The following PPP4R4 variants were observed in gnomAD, a reference collection of about 807,000 sequenced individuals.
PPP4R4 encodes protein phosphatase 4 regulatory subunit 4, also known as serine/threonine-protein phosphatase 4 regulatory subunit 4.
Under a neutral mutation model 121.8 loss-of-function variants are expected in PPP4R4, and 70 were observed. The ratio of observed to expected loss-of-function variants is 0.57; its 90% CI spans 0.47 to 0.70. The LOEUF is 0.70. Among genes scored for constraint, PPP4R4 ranks in the 30% least tolerant of loss-of-function variants. PPP4R4 has a pLI of 0.00. For missense variants in PPP4R4, 875 were observed against 1,033.6 expected (o/e 0.85, Z 2.10); for synonymous variants, 348 against 355.7 (o/e 0.98, Z 0.24).
chr14:94,266,800 G>T (rs1181260577), intron 22 of PPP4R4, among the ~76,000 whole-genome samples, 159 bp from the exon 23 acceptor site: 1 of 152,146 alleles, frequency 6.6e-6, no homozygotes, highest in African/African-American at 2.4e-5. Context: ...AGTAAGTGTT[G>T]TGAGGCATGA....
chr14:94,278,806 A>G lies in PPP4R4; in HGVS notation c.*163A>G. 1 of 510,958 alleles carries G rather than the reference A, an allele frequency of 2.0e-6. No individual in the cohort carries two copies. The highest frequency in any genetic ancestry group is 3.2e-6 in the Non-Finnish European group (1 of 313,448). The allele number at this position is 510,958 out of a possible 1,614,324, so 31.7% of individuals were successfully genotyped here. On this transcript the variant is annotated 3_prime_UTR_variant, in exon 25 of 25. Coordinates refer to ENST00000304338, the MANE Select transcript of PPP4R4 (RefSeq NM_058237.2). ...GAGACATAATGACAGCTGATGTTAAACTTTTCATATTTCAAATTAGATTCC... is the reference window on the plus strand; with the variant it reads ...GAGACATAATGACAGCTGATGTTAAGCTTTTCATATTTCAAATTAGATTCC...
intron 2 of PPP4R4, among the ~76,000 whole-genome samples, chr14:94,198,829 G>A (rs1274954248): frequency 1.3e-5 from 2 of 152,104 alleles, no homozygotes; most frequent in African/African-American, 4.8e-5. Context: ...ACTCAATTGC[G>A]CATTTATGTT....
chr14:94,202,248 G>A (rs978139061), intron 2 of PPP4R4, among the ~76,000 whole-genome samples: 11 of 152,010 alleles, frequency 7.2e-5, no homozygotes, highest in African/African-American at 1.7e-4. Flanking sequence ...AGAAATCACC[G>A]CTGAAGAACT....
chr14:94,174,652 T>A, intron 1 of PPP4R4, 70 bp downstream of exon 1: 1 of 1,566,712 alleles, frequency 6.4e-7, no homozygotes, highest in Non-Finnish European at 8.7e-7. Flanking sequence ...CGCGCTGATC[T>A]CTGCCCCACG....
At chr14:94,185,436 G>A (rs1889219290) in intron 2 of PPP4R4, among the ~76,000 whole-genome samples, 1 of 152,162 alleles carries the variant, frequency 6.6e-6, no homozygotes, top group Admixed American at 6.5e-5. Flanking sequence ...GCGCTCAGGA[G>A]TTTGAGCCTG....
Position 94,237,640 on chromosome 14 carries a change from T to TG in PPP4R4, c.808dup (p.Ala270GlyfsTer4). On this transcript the variant is annotated frameshift_variant, in exon 8 of 25. Transcript: ENST00000304338. LOFTEE classifies it high-confidence loss of function. ...GGGATGAAGGCAGCAGTGTACGACTTGCAGCTTTTGAAACTTTGGTTAATC... is the reference window on the plus strand; with the variant it reads ...GGGATGAAGGCAGCAGTGTACGACTTGGCAGCTTTTGAAACTTTGGTTAATC... 6.2e-7 allele frequency: 1 copy of TG among 1,611,956 alleles called. No individual in the cohort carries two copies. Among genetic ancestry groups the TG allele is most frequent in the Middle Eastern group, 1.7e-4 (1 of 6,060 alleles).
intron 17 of PPP4R4, among the ~76,000 whole-genome samples, chr14:94,257,690 A>G (rs1000369305): frequency 1.4e-5 from 2 of 147,540 alleles, no homozygotes; most frequent in Non-Finnish European, 3.0e-5. Flanking sequence ...TTTCTACCAG[A>G]CAGTTCCTTC....
intron 2 of PPP4R4, among the ~76,000 whole-genome samples, chr14:94,203,230 T>C (rs1303755114): frequency 6.6e-6 from 1 of 152,208 alleles, no homozygotes; most frequent in Non-Finnish European, 1.5e-5. Flanking sequence ...TGGAATTCAC[T>C]AACCTGTTCT....
intron 23 of PPP4R4, among the ~76,000 whole-genome samples, chr14:94,273,845 G>A (rs909560787): frequency 6.6e-6 from 1 of 151,942 alleles, no homozygotes. Context: ...AACAAACCCT[G>A]AACCTTAATT....
chr14:94,212,833 G>A (rs962742388), intron 3 of PPP4R4, among the ~76,000 whole-genome samples: 1 of 151,982 alleles, frequency 6.6e-6, no homozygotes, highest in African/African-American at 2.4e-5. Context: ...GAATAATAGC[G>A]ATATAATTAC....
At chr14:94,214,400 T>C (rs1890908251) in intron 3 of PPP4R4, among the ~76,000 whole-genome samples, 3 of 152,106 alleles carry the variant, frequency 2.0e-5, no homozygotes, top group African/African-American at 4.8e-5. Flanking sequence ...TGCATGCCCA[T>C]AGTCTCAGCT....
chr14:94,240,078 C>T (rs1364194313), intron 8 of PPP4R4, among the ~76,000 whole-genome samples: 1 of 152,046 alleles, frequency 6.6e-6, no homozygotes, highest in Non-Finnish European at 1.5e-5. Context: ...ATTTGGAGAG[C>T]ATTTAGAATT....
Position 94,265,780 on chromosome 14 carries a change from G to A in PPP4R4, c.2285-14G>A, listed in dbSNP as rs766561643. ...AACTGAATACATTTTTCTTTTTTCT[G>A]CTTATTGCTCTAGGTAAAGAAATCA... On this transcript the variant is annotated splice_polypyrimidine_tract_variant and intron_variant, in intron 21 of 24. Transcript: ENST00000304338. The A allele has an allele frequency of 6.4e-7, 1 of 1,568,254 alleles. No homozygotes were observed. Among genetic ancestry groups the A allele is most frequent in the Admixed American group, 1.8e-5 (1 of 56,126 alleles).
intron 3 of PPP4R4, among the ~76,000 whole-genome samples, chr14:94,219,480 T>C (rs545477448): frequency 2.0e-5 from 3 of 152,250 alleles, no homozygotes; most frequent in Admixed American, 6.5e-5. Flanking sequence ...AAATAACAAT[T>C]CTACACAAAT....
At position 94,223,910 on chromosome 14, in the gene PPP4R4, G is replaced by C. The variant is rs372958915; in HGVS notation, c.295-6677G>C. Among the ~76,000 whole-genome samples the C allele has an allele frequency of 1.6e-4, 24 of 152,158 alleles. No homozygotes were observed. In the South Asian group the frequency reaches 4.8e-3, roughly 30 times the overall value. ...CTGTCACCATCTCCACATCCACACA[G>C]ATCAACTGATTGTTTTCTAACAATA... On this transcript the variant is annotated intron_variant, in intron 3 of 24. Coordinates refer to ENST00000304338, the MANE Select transcript of PPP4R4 (RefSeq NM_058237.2).
At chr14:94,201,132 T>C (rs972302435) in intron 2 of PPP4R4, among the ~76,000 whole-genome samples, 1 of 152,224 alleles carries the variant, frequency 6.6e-6, no homozygotes, top group African/African-American at 2.4e-5. Flanking sequence ...TTTGCATGGT[T>C]TTGAGGGTTC....
intron 3 of PPP4R4, among the ~76,000 whole-genome samples, chr14:94,226,812 G>T (rs751954708): frequency 1.3e-5 from 2 of 151,980 alleles, no homozygotes; most frequent in Non-Finnish European, 2.9e-5. Flanking sequence ...CCTTTTACTA[G>T]CACTATTCAT....
chr14:94,189,231 A>C (rs981585220), intron 2 of PPP4R4, among the ~76,000 whole-genome samples: 2 of 152,208 alleles, frequency 1.3e-5, no homozygotes, highest in African/African-American at 2.4e-5. Flanking sequence ...CCTAAGTTCC[A>C]TAATCTCTGT....
chr14:94,220,047 C>T (rs1566666636), intron 3 of PPP4R4, among the ~76,000 whole-genome samples: 1 of 152,084 alleles, frequency 6.6e-6, no homozygotes. Flanking sequence ...CATGGTGAAA[C>T]CCCATCCCTA....
Sources: gnomAD v4.1 joint callset for allele counts (sites outside exome capture counted in the v4.1 genomes callset) on GRCh38, gnomAD v4.1.1 for gene constraint, MANE v1.5 for transcripts, NCBI Gene and HGNC (gene_info 2026-07-23, HGNC 2026-07-21) for gene names.